The following TRMT2A variants were observed in gnomAD, a reference collection of about 807,000 sequenced individuals.
The protein encoded by TRMT2A is tRNA methyltransferase 2A.
TRMT2A carries 60 observed loss-of-function variants against 59.3 expected under a neutral mutation model. The observed-to-expected ratio is 1.01, with a 90% CI of 0.82 to 1.26. The LOEUF is 1.26. Ranked by LOEUF, TRMT2A falls within the 50% of genes most tolerant of loss-of-function variation. The pLI, the probability that TRMT2A is intolerant of heterozygous loss-of-function variation, is 0.00. For synonymous variants in TRMT2A, 403 were observed against 353.7 expected (o/e 1.14, Z -1.56); for missense variants, 863 against 845.2 (o/e 1.02, Z -0.26).
intron 7 of TRMT2A, among the ~76,000 whole-genome samples, chr22:20,114,236 C>T (rs1429285647): frequency 1.3e-5 from 2 of 152,234 alleles, no homozygotes; most frequent in Non-Finnish European, 2.9e-5. Context: ...TCCCCACAGC[C>T]TTCCTGCAGC....
chr22:20,113,557 G>A, intron 8 of TRMT2A, 50 bp from the exon 9 acceptor site: 1 of 1,610,938 alleles, frequency 6.2e-7, no homozygotes, highest in Non-Finnish European at 8.5e-7. Context: ...GGAGTACATG[G>A]GGCCCTGTGG....
rs1328063421 is a variant in TRMT2A, at chr22:20,114,680, G to A, written c.1127C>T (p.Thr376Ile). 2.5e-6 allele frequency: 4 copies of A among 1,613,396 alleles called. No individual in the cohort carries two copies. The highest frequency in any genetic ancestry group is 3.4e-6 in the Non-Finnish European group (4 of 1,179,982). Reference protein sequence around the residue: ...LYFVEEGQRKTPSQEGLPLEH... With the variant: ...LYFVEEGQRKIPSQEGLPLEH... ...CAGGGGCAGGCCCTCCTGGCTAGGAGTCTTTCTGTGGGCGAAGGTGCAGGT... is the reference window on the plus strand; with the variant it reads ...CAGGGGCAGGCCCTCCTGGCTAGGAATCTTTCTGTGGGCGAAGGTGCAGGT... The change falls in exon 7 of 12, where the codon ACT becomes ATT. Residue 376 changes from threonine to isoleucine, a missense_variant. Physicochemically the swap from Thr to Ile is moderately conservative, Grantham distance 89 (BLOSUM62 -1). Transcript: ENST00000252136.
In TRMT2A at chr22:20,113,813, G is replaced by T. The variant is rs1249391600; in HGVS notation, c.1234-5C>A. 2 of 1,557,148 alleles carry T rather than the reference G, an allele frequency of 1.3e-6. No homozygotes were observed. Among genetic ancestry groups the T allele is most frequent in the Non-Finnish European group, 8.7e-7 (1 of 1,150,336 alleles). On this transcript the variant is annotated splice_region_variant and splice_polypyrimidine_tract_variant and intron_variant, in intron 7 of 11. Coordinates refer to ENST00000252136, the MANE Select transcript of TRMT2A (RefSeq NM_022727.6). Reference sequence around the variant, plus strand: ...CTCGGCTGCGGGTGTGTTCACCTGGGGGCAGGCGGTGCCCAGGATGTCAGT... The same window carrying T: ...CTCGGCTGCGGGTGTGTTCACCTGGTGGCAGGCGGTGCCCAGGATGTCAGT...
Position 20,113,517 on chromosome 22 carries a change from G to C in TRMT2A, c.1357-10C>G, listed in dbSNP as rs1335095207. The C allele has an allele frequency of 6.2e-7, 1 of 1,613,464 alleles. No individual in the cohort carries two copies. Among genetic ancestry groups the C allele is most frequent in the South Asian group, 1.1e-5 (1 of 91,084 alleles). ...TGACCCTCTTTACCTTCTGAAACAG[G>C]AAAGCGTGGTGTCGCCCCACCCAGG... On this transcript the variant is annotated splice_polypyrimidine_tract_variant and intron_variant, in intron 8 of 11. Transcript: ENST00000252136.
rs780303183 is a variant in TRMT2A at position 20,112,876 on chromosome 22, GCCTAGCCCCCA to G, written c.1646+24_1646+34del. On this transcript the variant is annotated intron_variant, in intron 11 of 11. Coordinates refer to ENST00000252136, the MANE Select transcript of TRMT2A (RefSeq NM_022727.6). ...GTGGGAGCTGGGGGCTTGGTAGCAGGCCTAGCCCCCACCCAGGCCCCTGCAGACACTCACTC... is the reference window on the plus strand; with the variant it reads ...GTGGGAGCTGGGGGCTTGGTAGCAGGCCCAGGCCCCTGCAGACACTCACTC... 316 of 1,612,790 alleles carry G rather than the reference GCCTAGCCCCCA, an allele frequency of 2.0e-4. 1 individual carries two copies. Among genetic ancestry groups the G allele is most frequent in the Middle Eastern group, 5.0e-4 (3 of 5,978 alleles).
rs1394354613 is a variant in TRMT2A, at chr22:20,113,579, G to A, written c.1357-72C>T. The stretch of plus-strand genomic sequence containing the variant: ...ATGGGGCCCTGTGGGCAGCAAAGAG[G>A]AGCTGGGCCTGGGGCATGATGGAGT... On this transcript the variant is annotated intron_variant, in intron 8 of 11. Coordinates refer to ENST00000252136, the MANE Select transcript of TRMT2A (RefSeq NM_022727.6). 7 of 1,609,242 alleles carry A rather than the reference G, an allele frequency of 4.3e-6. No homozygotes were observed. The Admixed American group carries it at 8.4e-5, about 19-fold the overall frequency.
Position 20,116,170 on chromosome 22 carries a change from C to A in TRMT2A, c.467G>T (p.Arg156Leu), listed in dbSNP as rs777596749. ...PKADPMARRR[R>L]QEGESEPPVT... ...TGGTGGCTCACTCTCACCCTCCTGT[C>A]GCCTCCTCCTGGCCATGGGGTCGGC... Residue 156 changes from arginine to leucine, a missense_variant, in exon 2 of 12, where the codon CGA becomes CTA. Physicochemically the swap from Arg to Leu is moderately radical, Grantham distance 102. Coordinates refer to ENST00000252136, the MANE Select transcript of TRMT2A (RefSeq NM_022727.6). The A allele has an allele frequency of 1.9e-6, 3 of 1,612,990 alleles. No homozygotes were observed. In the Admixed American group the frequency reaches 5.0e-5, roughly 27 times the overall value.
At chr22:20,115,996 G>A in intron 2 of TRMT2A, 42 bp downstream of exon 2, 4 of 1,522,648 alleles carry the variant, frequency 2.6e-6, no homozygotes, top group Non-Finnish European at 2.6e-6. Flanking sequence ...CACAGGCCGG[G>A]CAGAGCCCTG....
rs767260472 is a variant in TRMT2A, at chr22:20,114,777, C to T, written c.1105G>A (p.Val369Met). Residue 369 changes from valine to methionine, a missense_variant, in exon 6 of 12, where the codon GTG (valine) becomes ATG (methionine). By Grantham distance (21) the Val-to-Met change is conservative (BLOSUM62 1). Coordinates refer to ENST00000252136, the MANE Select transcript of TRMT2A (RefSeq NM_022727.6). ...GCTCCTTACCGCTGTCCCTCCTCCA[C>T]GAAGTAGAGGCAGGTCACTCCACTG... ...RASGVTCLYF[V>M]EEGQRKTPSQ... The T allele has an allele frequency of 1.5e-5, 24 of 1,611,876 alleles. No individual in the cohort carries two copies. Among genetic ancestry groups the T allele is most frequent in the South Asian group, 5.5e-5 (5 of 90,994 alleles).
At chr22:20,116,762 G>A in intron 1 of TRMT2A, 121 bp downstream of exon 1, 5 of 1,285,134 alleles carry the variant, frequency 3.9e-6, no homozygotes, top group East Asian at 2.8e-5. Context: ...CCCCATTCCC[G>A]TCTCCTTTCC....
Position 20,117,009 on chromosome 22 carries a change from C to G in TRMT2A, c.-103G>C, listed in dbSNP as rs547705317. On this transcript the variant is annotated 5_prime_UTR_variant, in exon 1 of 12. Coordinates refer to ENST00000252136, the MANE Select transcript of TRMT2A (RefSeq NM_022727.6). ...GAAGTGGCCTGTCACAAGGGAAGTG[C>G]TCAGAGGGGAGGTGCTCACAGAGCC... The G allele has an allele frequency of 2.5e-5, 37 of 1,455,466 alleles. No individual in the cohort carries two copies. In the South Asian group the frequency reaches 4.1e-4, roughly 16 times the overall value. The allele number at this position is 1,455,466 out of a possible 1,614,324, so 90.2% of individuals were successfully genotyped here.
Position 20,113,225 on chromosome 22 carries a change from TTACTC to T in TRMT2A, c.1437_1441del (p.Ser480CysfsTer47). 3.2e-6 allele frequency: 5 copies of T among 1,565,064 alleles called. No individual in the cohort carries two copies. Among genetic ancestry groups the T allele is most frequent in the South Asian group, 1.2e-5 (1 of 83,568 alleles). On this transcript the variant is annotated frameshift_variant, in exon 10 of 12. Coordinates refer to ENST00000252136, the MANE Select transcript of TRMT2A (RefSeq NM_022727.6). LOFTEE classifies it high-confidence loss of function. ...GGCCCTCCCGCAGTGGAACTCCACA[TTACTC>T]AACTCTGAAGAGATGGCACCGTGGC... is the stretch of plus-strand genomic sequence containing the variant.
rs562025555 is a variant in TRMT2A, at chr22:20,116,987, G to C, written c.-81C>G. On this transcript the variant is annotated 5_prime_UTR_variant, in exon 1 of 12. Transcript: ENST00000252136. ...TCGTCCTGGGCCTGTCACAAGGGAA[G>C]TGGCCTGTCACAAGGGAAGTGCTCA... 1.3e-6 allele frequency: 2 copies of C among 1,494,256 alleles called. No individual in the cohort carries two copies. Among genetic ancestry groups the C allele is most frequent in the South Asian group, 2.4e-5 (2 of 82,086 alleles). 92.6% of individuals were successfully genotyped at this position (1,494,256 alleles called of 1,614,324 possible).
In TRMT2A at chr22:20,112,347, CA is replaced by C; in HGVS notation, c.*215del. The C allele has an allele frequency of 1.6e-6, 1 of 613,980 alleles. No homozygotes were observed. Among genetic ancestry groups the C allele is most frequent in the Non-Finnish European group, 2.8e-6 (1 of 351,848 alleles). The allele number at this position is 613,980 out of a possible 1,614,324, so 38.0% of individuals were successfully genotyped here. On this transcript the variant is annotated 3_prime_UTR_variant, in exon 12 of 12. Coordinates refer to ENST00000252136, the MANE Select transcript of TRMT2A (RefSeq NM_022727.6). ...CTGGCCCTCACAGCCTTGGCTAGTCCACAAAGGCCCTGGGGATGGGCAACAG... is the reference window on the plus strand; with the variant it reads ...CTGGCCCTCACAGCCTTGGCTAGTCCCAAAGGCCCTGGGGATGGGCAACAG...
At chr22:20,116,650 G>C (rs750749273) in intron 1 of TRMT2A, 38 bp from the exon 2 acceptor site, 1 of 1,513,842 alleles carries the variant, frequency 6.6e-7, no homozygotes, top group East Asian at 2.3e-5. Context: ...GTGAGGACTA[G>C]GCCCTGGGGG....
Position 20,115,398 on chromosome 22 carries a change from C to G in TRMT2A, c.758G>C (p.Gly253Ala). Residue 253 changes from glycine to alanine, a missense_variant, in exon 4 of 12, where the codon GGG becomes GCG. Coordinates refer to ENST00000252136, the MANE Select transcript of TRMT2A (RefSeq NM_022727.6). ...CEFLVGVGVD[G>A]EDNTVGCRLG... The stretch of plus-strand genomic sequence containing the variant: ...CCGACAGCCCACGGTGTTATCCTCC[C>G]CATCCACCCCGACGCCAACCAGAAA... 1 of 1,612,512 alleles carries G rather than the reference C, an allele frequency of 6.2e-7. No homozygotes were observed. Among genetic ancestry groups the G allele is most frequent in the Non-Finnish European group, 8.5e-7 (1 of 1,179,852 alleles).
intron 5 of TRMT2A, 30 bp from the exon 6 acceptor site, chr22:20,114,906 G>C (rs1187846306): frequency 6.4e-7 from 1 of 1,571,002 alleles, no homozygotes; most frequent in Non-Finnish European, 8.6e-7. Context: ...GTTCCCATCA[G>C]GCTGTGCTGA....
At position 20,116,111 on chromosome 22, in the gene TRMT2A, A is replaced by G. The variant is rs1234229598; in HGVS notation, c.526T>C (p.Trp176Arg). Reference protein sequence around the residue: ...TRVADVVTPLWTVPYAEQLER... With the variant: ...TRVADVVTPLRTVPYAEQLER... ...AGCTGCTCAGCATAGGGCACTGTCC[A>G]TAGAGGGGTCACCACGTCGGCCACT... The change falls in exon 2 of 12, where the codon TGG becomes CGG. Residue 176 changes from tryptophan to arginine, a missense_variant. Trp to Arg is a moderately radical substitution (Grantham distance 101). Coordinates refer to ENST00000252136, the MANE Select transcript of TRMT2A (RefSeq NM_022727.6). 3 of 1,612,094 alleles carry G rather than the reference A, an allele frequency of 1.9e-6. No homozygotes were observed. Among genetic ancestry groups the G allele is most frequent in the African/African-American group, 1.3e-5 (1 of 75,056 alleles).
chr22:20,113,385 T>A, intron 9 of TRMT2A, 47 bp downstream of exon 9: 1 of 1,568,576 alleles, frequency 6.4e-7, no homozygotes, highest in Non-Finnish European at 8.7e-7. Flanking sequence ...GCAGCAGGGG[T>A]GGCGGCTGCC....
Sources: gnomAD v4.1 joint callset for allele counts (sites outside exome capture counted in the v4.1 genomes callset) on GRCh38, gnomAD v4.1.1 for gene constraint, MANE v1.5 for transcripts, NCBI Gene and HGNC (gene_info 2026-07-23, HGNC 2026-07-21) for gene names.